SLC45A4: variants seen among roughly 807,000 people sequenced by gnomAD.
The protein encoded by SLC45A4 is solute carrier family 45 member 4.
In SLC45A4, 32 loss-of-function variants were observed where a neutral mutation model predicts 63.7. That is an observed-to-expected ratio of 0.50 (90% CI 0.38 to 0.67). SLC45A4 has a LOEUF of 0.67. SLC45A4 is among the 30% of genes least tolerant of loss of function. SLC45A4 has a pLI of 0.00. For synonymous variants in SLC45A4, 535 were observed against 510.0 expected (o/e 1.05, Z -0.66); for missense variants, 1,027 against 1,157.7 (o/e 0.89, Z 1.64).
In SLC45A4 at chr8:141,211,467, G is replaced by A. The variant is rs986220355; in HGVS notation, c.*105C>T. ...TCACTGTCTTCTGCCCAGGCCCCCC[G>A]GACCAGCCTCCTCCCAGCTTTGGTG... is the stretch of plus-strand genomic sequence containing the variant. On this transcript the variant is annotated 3_prime_UTR_variant, in exon 9 of 9. Transcript: ENST00000517878. 41 of 1,598,972 alleles carry A rather than the reference G, an allele frequency of 2.6e-5. No homozygotes were observed. The highest frequency in any genetic ancestry group is 5.4e-5 in the African/African-American group (4 of 74,400).
At chr8:141,262,320 G>A (rs1311203498) in intron 1 of SLC45A4, among the ~76,000 whole-genome samples, 4 of 149,506 alleles carry the variant, frequency 2.7e-5, no homozygotes, top group African/African-American at 7.4e-5. Context: ...AGGACTTCAT[G>A]TCTAAAACAC....
At chr8:141,214,338 C>T (rs553564302) in intron 7 of SLC45A4, among the ~76,000 whole-genome samples, 12 of 151,968 alleles carry the variant, frequency 7.9e-5, no homozygotes, top group South Asian at 2.1e-4. Context: ...GTAACAGGTA[C>T]GAAGGATCAG....
chr8:141,243,109 C>T (rs1827998276), intron 2 of SLC45A4, among the ~76,000 whole-genome samples: 1 of 152,218 alleles, frequency 6.6e-6, no homozygotes, highest in South Asian at 2.1e-4. Context: ...CCCCTCTGAG[C>T]ACCACCTTGC....
chr8:141,263,481 G>T (rs1829125187), intron 1 of SLC45A4, among the ~76,000 whole-genome samples: 1 of 151,668 alleles, frequency 6.6e-6, no homozygotes, highest in Non-Finnish European at 1.5e-5. Context: ...AAAATCAAGG[G>T]TCATGGCCGG....
At position 141,254,775 on chromosome 8, in the gene SLC45A4, C is replaced by A. The variant is rs752451823; in HGVS notation, c.-400-146G>T. ...AGCTCTCTGCCACTCACTCTGGGTA[C>A]GTCTGTGCAAATAACCAAACCTACT... is the stretch of plus-strand genomic sequence containing the variant. On this transcript the variant is annotated intron_variant, in intron 1 of 8. Coordinates refer to ENST00000517878, the MANE Select transcript of SLC45A4 (RefSeq NM_001286646.2). The surrounding 1 kb of genome is among the most constrained non-coding windows in gnomAD (Gnocchi z 4.5). 18 of 647,394 alleles carry A rather than the reference C, an allele frequency of 2.8e-5. No individual in the cohort carries two copies. The highest frequency in any genetic ancestry group is 2.2e-4 in the Admixed American group (10 of 46,244). The allele number at this position is 647,394 out of a possible 1,614,324, so 40.1% of individuals were successfully genotyped here.
intron 1 of SLC45A4, among the ~76,000 whole-genome samples, chr8:141,265,763 C>T (rs1473576158): frequency 6.6e-6 from 1 of 152,148 alleles, no homozygotes; most frequent in Admixed American, 6.5e-5. Context: ...GTTCTAGTAT[C>T]TCATATTCAA....
Position 141,270,412 on chromosome 8 carries a change from G to A in SLC45A4, c.-400-15783C>T, listed in dbSNP as rs887609899. Among the ~76,000 whole-genome samples the A allele has an allele frequency of 6.0e-5, 9 of 148,852 alleles. No homozygotes were observed. In the South Asian group the frequency reaches 1.3e-3, roughly 21 times the overall value. On this transcript the variant is annotated intron_variant, in intron 1 of 8. Coordinates refer to ENST00000517878, the MANE Select transcript of SLC45A4 (RefSeq NM_001286646.2). ...AAAAAGGCTCGGCGCGGTAGCTAAC[G>A]CCTGTAATCCTAACACTTTGGGAGG...
At position 141,258,895 on chromosome 8, in the gene SLC45A4, A is replaced by ATTT. The variant is rs1563653386; in HGVS notation, c.-400-4267_-400-4266insAAA. ...GACACAGTGAGACCTCTTTTTTTTA[A>ATTT]AAAAAAAAAAAACAGACTCTAAAAC... On this transcript the variant is annotated intron_variant, in intron 1 of 8. Coordinates refer to ENST00000517878, the MANE Select transcript of SLC45A4 (RefSeq NM_001286646.2). 6.1e-3 allele frequency among the ~76,000 whole-genome samples: 915 copies of ATTT among 149,796 alleles called. 20 individuals are homozygous for ATTT. Among genetic ancestry groups the ATTT allele is most frequent in the African/African-American group, 0.022 (888 of 40,438 alleles).
At chr8:141,230,003 G>A in intron 2 of SLC45A4, 1 of 453,836 alleles carries the variant, frequency 2.2e-6, no homozygotes, top group Non-Finnish European at 4.4e-6. Context: ...CATGGGCAGT[G>A]AGTTCAAAAT....
In SLC45A4 at chr8:141,210,729, A is replaced by G. The variant is rs1275596487; in HGVS notation, c.*843T>C. The G allele has an allele frequency of 6.6e-6, 1 of 152,184 alleles. No individual in the cohort carries two copies. The highest frequency in any genetic ancestry group is 1.5e-5 in the Non-Finnish European group (1 of 68,040). 9.4% of individuals were successfully genotyped at this position (152,184 alleles called of 1,614,324 possible). A position where few individuals can be genotyped will look rare whatever the true frequency, so the allele number is the denominator to read the frequency against. On this transcript the variant is annotated 3_prime_UTR_variant, in exon 9 of 9. Transcript: ENST00000517878. ...TGCAGCATGATTCTCATGCATTTCA[A>G]AGTACTTTATTTAAAAAACAACTTG...
chr8:141,207,684 G>A lies in SLC45A4; in HGVS notation c.*3888C>T, dbSNP rs1442956574. On this transcript the variant is annotated 3_prime_UTR_variant, in exon 9 of 9. Transcript: ENST00000517878. The stretch of plus-strand genomic sequence containing the variant: ...ATGGTCTCAGTCCACGGCACAGAGC[G>A]ACGTGCCCCTGGCAGCACTGTGGAG... 1.3e-5 allele frequency: 2 copies of A among 152,278 alleles called. No homozygotes were observed. Among genetic ancestry groups the A allele is most frequent in the African/African-American group, 4.8e-5 (2 of 41,458 alleles). 9.4% of individuals were successfully genotyped at this position (152,278 alleles called of 1,614,324 possible). A position where few individuals can be genotyped will look rare whatever the true frequency, so the allele number is the denominator to read the frequency against.
chr8:141,292,448 C>G lies in SLC45A4; in HGVS notation c.-401+15648G>C, dbSNP rs533640830. Reference sequence around the variant, plus strand: ...AAGGAGGCCGTGGAGCACAGAGCCCCGCACGCGCCCAGGGCGGGAGGCTGG... The same window carrying G: ...AAGGAGGCCGTGGAGCACAGAGCCCGGCACGCGCCCAGGGCGGGAGGCTGG... On this transcript the variant is annotated intron_variant, in intron 1 of 8. Transcript: ENST00000517878. 3.3e-5 allele frequency among the ~76,000 whole-genome samples: 5 copies of G among 152,376 alleles called. No homozygotes were observed. The East Asian group carries it at 9.6e-4, about 29-fold the overall frequency.
chr8:141,218,944 C>A lies in SLC45A4; in HGVS notation c.696G>T (p.Gln232His), dbSNP rs112576825. ...TGATGGCGGCAAAGAAGAAGAGCAC[C>A]TGGTTCTGGGTCCGGAACCAGCTGC... ...FLGSWFRTQN[Q>H]VLFFFAAIIF... The change falls in exon 5 of 9, where the codon CAG (glutamine) becomes CAT (histidine). Residue 232 changes from glutamine to histidine, a missense_variant. Gln to His is a conservative substitution (Grantham distance 24). Coordinates refer to ENST00000517878, the MANE Select transcript of SLC45A4 (RefSeq NM_001286646.2). 1.3e-4 allele frequency: 214 copies of A among 1,613,614 alleles called. No individual in the cohort carries two copies. Among genetic ancestry groups the A allele is most frequent in the Non-Finnish European group, 1.8e-4 (211 of 1,179,954 alleles).
At chr8:141,240,162 C>T (rs1569558540) in intron 2 of SLC45A4, among the ~76,000 whole-genome samples, 1 of 152,184 alleles carries the variant, frequency 6.6e-6, no homozygotes, top group Non-Finnish European at 1.5e-5. Flanking sequence ...TTGAGACGGA[C>T]AAGAATAAAC....
chr8:141,230,878 A>G (rs1827310230), intron 2 of SLC45A4, among the ~76,000 whole-genome samples: 1 of 152,208 alleles, frequency 6.6e-6, no homozygotes, highest in Non-Finnish European at 1.5e-5. Context: ...GACGGCCCCA[A>G]CGACGCGGAA....
At chr8:141,300,951 G>T (rs547963534) in intron 1 of SLC45A4, among the ~76,000 whole-genome samples, 1 of 152,340 alleles carries the variant, frequency 6.6e-6, no homozygotes, top group Non-Finnish European at 1.5e-5. Context: ...CCAAGTGTGC[G>T]AACACAGCAC....
chr8:141,256,110 A>T lies in SLC45A4; in HGVS notation c.-400-1481T>A, dbSNP rs1466687910. On this transcript the variant is annotated intron_variant, in intron 1 of 8. Transcript: ENST00000517878. This position sits in a 1 kb window ranked among gnomAD's most constrained non-coding sequence, Gnocchi z 4.3. ...CCACCTGGGCAAACACATACAATAAAGCAGCAATAAGCTAACTGGAAATGC... is the reference window on the plus strand; with the variant it reads ...CCACCTGGGCAAACACATACAATAATGCAGCAATAAGCTAACTGGAAATGC... 6.6e-6 allele frequency among the ~76,000 whole-genome samples: 1 copy of T among 152,166 alleles called. No homozygotes were observed. The highest frequency in any genetic ancestry group is 1.5e-5 in the Non-Finnish European group (1 of 68,024).
intron 1 of SLC45A4, among the ~76,000 whole-genome samples, chr8:141,295,063 C>G (rs1199044389): frequency 1.3e-5 from 2 of 152,196 alleles, no homozygotes; most frequent in Non-Finnish European, 2.9e-5. Context: ...GCCTGTCTGT[C>G]TTGGGTTGGC....
intron 1 of SLC45A4, among the ~76,000 whole-genome samples, chr8:141,290,891 C>T (rs1020584669): frequency 7.9e-5 from 12 of 152,222 alleles, no homozygotes; most frequent in African/African-American, 1.2e-4. Flanking sequence ...CTCTGTCACC[C>T]GGGCTGGAGT....
Sources: allele counts gnomAD v4.1 joint callset (sites outside exome capture counted in the v4.1 genomes callset), GRCh38; gene constraint gnomAD v4.1.1; non-coding constraint Gnocchi (gnomAD v3.1); transcripts MANE v1.5; gene names NCBI Gene and HGNC (gene_info 2026-07-23, HGNC 2026-07-21).